Variants in RNF216 observed in about 807,000 individuals in gnomAD.
The protein encoded by RNF216 is ring finger protein 216.
Under a neutral mutation model 110.8 loss-of-function variants are expected in RNF216, and 72 were observed. That is an observed-to-expected ratio of 0.65 (90% CI 0.54 to 0.79). The LOEUF is 0.79. RNF216 is among the 30% of genes least tolerant of loss of function. The pLI is 0.00. For synonymous variants in RNF216, 495 were observed against 407.5 expected, an observed-to-expected ratio of 1.21 and a Z score of -2.59; for missense variants, 1,342 against 1,141.2, an observed-to-expected ratio of 1.18 and a Z score of -2.54.
At chr7:5,709,228 G>C (rs1456360576) in intron 13 of RNF216, among the ~76,000 whole-genome samples, 2 of 152,168 alleles carry the variant, frequency 1.3e-5, no homozygotes. Flanking sequence ...CCAGTCCCTT[G>C]AGCAGCCTCC....
intron 14 of RNF216, among the ~76,000 whole-genome samples, 162 bp from the exon 15 acceptor site, chr7:5,641,538 CAAAGTTT>C (rs1787733815): frequency 6.6e-6 from 1 of 151,996 alleles, no homozygotes; most frequent in Non-Finnish European, 1.5e-5. Context: ...AGAACTGCTT[CAAAGTTT>C]TAATTGTATG....
intron 14 of RNF216, among the ~76,000 whole-genome samples, chr7:5,648,317 G>A (rs1788172915): frequency 6.6e-6 from 1 of 151,778 alleles, no homozygotes; most frequent in Non-Finnish European, 1.5e-5. Context: ...ATGTTGGTCA[G>A]GCTAGTCTCG....
chr7:5,770,619 T>C (rs146582389), intron 1 of RNF216, among the ~76,000 whole-genome samples: 2 of 152,020 alleles, frequency 1.3e-5, no homozygotes, highest in African/African-American at 4.8e-5. Flanking sequence ...TAAGAATAGA[T>C]ATATACTAGA....
chr7:5,660,265 C>CTTTTTTT lies in RNF216; in HGVS notation c.2062-7762_2062-7756dup, dbSNP rs66617363. ...ACAGAGCCCGGCCCTGTTTTAAATT[C>CTTTTTTT]TTTTTTTTTTTTTTTTTTTTTTTTT... is the stretch of plus-strand genomic sequence containing the variant. On this transcript the variant is annotated intron_variant, in intron 13 of 16. Coordinates refer to ENST00000389902, the MANE Select transcript of RNF216 (RefSeq NM_207111.4). Among the ~76,000 whole-genome samples the CTTTTTTT allele has an allele frequency of 5.9e-4, 20 of 33,644 alleles. 1 individual carries two copies. The highest frequency in any genetic ancestry group is 1.1e-3 in the Non-Finnish European group (18 of 16,334). 22.1% of individuals were successfully genotyped at this position (33,644 alleles called of 152,430 possible).
chr7:5,765,233 C>G (rs1698573073), intron 1 of RNF216, among the ~76,000 whole-genome samples: 1 of 151,600 alleles, frequency 6.6e-6, no homozygotes, highest in Admixed American at 6.6e-5. Flanking sequence ...AGGTCGAGGC[C>G]AGTGGATTGC....
chr7:5,776,845 G>A (rs1342208924), intron 1 of RNF216, among the ~76,000 whole-genome samples: 8 of 134,960 alleles, frequency 5.9e-5, no homozygotes, highest in African/African-American at 2.2e-4. Context: ...AGGTTGCAGT[G>A]AGCTGATATT....
chr7:5,745,920 G>A (rs992852705), intron 3 of RNF216, among the ~76,000 whole-genome samples: 3 of 146,238 alleles, frequency 2.1e-5, no homozygotes, highest in East Asian at 4.0e-4. Flanking sequence ...AAAGAGCAAC[G>A]AGAACACTTA....
intron 15 of RNF216, among the ~76,000 whole-genome samples, chr7:5,625,841 A>G (rs1429816992): frequency 1.3e-5 from 2 of 151,924 alleles, no homozygotes; most frequent in East Asian, 3.8e-4. Flanking sequence ...TCTATCTGCA[A>G]CAGTGGATGA....
intron 5 of RNF216, 38 bp downstream of exon 5, chr7:5,739,238 C>A: frequency 1.3e-6 from 2 of 1,501,908 alleles, no homozygotes; most frequent in South Asian, 1.4e-5. Flanking sequence ...TTTACCACCA[C>A]CACCACCACC....
chr7:5,721,806 C>G (rs570688170), intron 8 of RNF216, among the ~76,000 whole-genome samples: 20 of 152,302 alleles, frequency 1.3e-4, no homozygotes, highest in African/African-American at 4.3e-4. Context: ...GCTGAAGGAA[C>G]AGTACCTAGA....
intron 7 of RNF216, 50 bp downstream of exon 7, chr7:5,729,382 G>A: frequency 6.4e-7 from 1 of 1,567,550 alleles, no homozygotes; most frequent in African/African-American, 1.4e-5. Flanking sequence ...GTTACCATGG[G>A]AAGATGTAGT....
At chr7:5,714,957 A>G (rs546706803) in intron 11 of RNF216, 96 bp downstream of exon 11, 114 of 1,138,760 alleles carry the variant, frequency 1.0e-4, no homozygotes, top group Non-Finnish European at 1.3e-4. Context: ...ACTCCACCTC[A>G]CCCTCAAAGA....
intron 2 of RNF216, among the ~76,000 whole-genome samples, chr7:5,758,814 CTG>C (rs1297221680): frequency 6.6e-6 from 1 of 152,072 alleles, no homozygotes; most frequent in Non-Finnish European, 1.5e-5. Flanking sequence ...ACAGATAAGA[CTG>C]GACTTTTGAG....
At chr7:5,741,937 T>G in intron 3 of RNF216, 122 bp from the exon 4 acceptor site, 1 of 936,988 alleles carries the variant, frequency 1.1e-6, no homozygotes, top group Non-Finnish European at 1.6e-6. Context: ...CCCTTAACAA[T>G]ACCTATTCTT....
chr7:5,639,925 A>C (rs371091782), intron 15 of RNF216, among the ~76,000 whole-genome samples: 19 of 151,672 alleles, frequency 1.3e-4, no homozygotes, highest in African/African-American at 4.6e-4. Context: ...ACGCCCGGCT[A>C]ATTTTTTGTA....
At chr7:5,771,798 C>T (rs1372041229) in intron 1 of RNF216, among the ~76,000 whole-genome samples, 2 of 149,562 alleles carry the variant, frequency 1.3e-5, no homozygotes, top group Non-Finnish European at 3.0e-5. Flanking sequence ...ACCCTGTCCC[C>T]CCACCAAAAA....
chr7:5,724,539 C>T (rs941183573), intron 8 of RNF216, among the ~76,000 whole-genome samples: 3 of 152,170 alleles, frequency 2.0e-5, no homozygotes, highest in African/African-American at 7.2e-5. Context: ...CAGGCCAGGG[C>T]GAATGTCATG....
chr7:5,744,991 A>G (rs1277248609), intron 3 of RNF216, among the ~76,000 whole-genome samples: 4 of 152,104 alleles, frequency 2.6e-5, no homozygotes, highest in African/African-American at 9.7e-5. Context: ...AAAAAAAAAA[A>G]GAAAACTTCT....
intron 13 of RNF216, among the ~76,000 whole-genome samples, chr7:5,658,925 C>A (rs1788921567): frequency 6.6e-6 from 1 of 152,088 alleles, no homozygotes; most frequent in Non-Finnish European, 1.5e-5. Flanking sequence ...GAGAGTGCAG[C>A]AATGTGTCGG....
Sources: gnomAD v4.1 joint callset for allele counts (sites outside exome capture counted in the v4.1 genomes callset) on GRCh38, gnomAD v4.1.1 for gene constraint, MANE v1.5 for transcripts, NCBI Gene and HGNC (gene_info 2026-07-23, HGNC 2026-07-21) for gene names.